Variants in TRIO observed in about 807,000 individuals in gnomAD.
TRIO encodes trio Rho guanine nucleotide exchange factor.
In TRIO, 58 loss-of-function variants were observed where a neutral mutation model predicts 351.9. That is an observed-to-expected ratio of 0.16 (90% CI 0.13 to 0.21). TRIO has a LOEUF of 0.21. TRIO is among the 10% of genes least tolerant of loss of function. The pLI is 1.00. For synonymous variants in TRIO, 1,758 were observed against 1,595.7 expected (o/e 1.10, Z -2.42); for missense variants, 3,201 against 4,027.8 (o/e 0.79, Z 5.56).
At chr5:14,250,385 G>A (rs2152246302) in intron 1 of TRIO, among the ~76,000 whole-genome samples, 1 of 152,318 alleles carries the variant, frequency 6.6e-6, no homozygotes, top group East Asian at 1.9e-4. Context: ...ACCTGGGTAG[G>A]CCTGTTAATG....
intron 1 of TRIO, among the ~76,000 whole-genome samples, chr5:14,244,103 C>T (rs961046662): frequency 2.6e-5 from 4 of 152,158 alleles, no homozygotes; most frequent in Admixed American, 6.5e-5. Flanking sequence ...CATCATGGAA[C>T]GTTTTGAGGT....
intron 1 of TRIO, among the ~76,000 whole-genome samples, chr5:14,205,645 G>A (rs1255721829): frequency 6.6e-6 from 1 of 152,128 alleles, no homozygotes; most frequent in Non-Finnish European, 1.5e-5. Flanking sequence ...CAAAATATAA[G>A]AATTATTAGT....
chr5:14,372,538 G>A (rs949815515), intron 18 of TRIO, among the ~76,000 whole-genome samples: 2 of 152,102 alleles, frequency 1.3e-5, no homozygotes, highest in African/African-American at 2.4e-5. Flanking sequence ...CTTTGGCCTC[G>A]ATTAGCTAGA....
At chr5:14,252,648 C>T (rs1314736676) in intron 1 of TRIO, among the ~76,000 whole-genome samples, 1 of 152,208 alleles carries the variant, frequency 6.6e-6, no homozygotes, top group Non-Finnish European at 1.5e-5. Context: ...TCAAACTGAC[C>T]TTTCTAGATC....
chr5:14,146,163 G>A (rs1238098148), intron 1 of TRIO, among the ~76,000 whole-genome samples: 2 of 147,810 alleles, frequency 1.4e-5, no homozygotes, highest in African/African-American at 4.9e-5. Flanking sequence ...GCAGAGAGGG[G>A]TCATTCTGTT....
At chr5:14,280,280 C>A in intron 2 of TRIO, 42 bp from the exon 3 acceptor site, 1 of 1,561,098 alleles carries the variant, frequency 6.4e-7, no homozygotes, top group Non-Finnish European at 8.8e-7. Context: ...GGATTTCTGT[C>A]TTATCTTGTG....
chr5:14,417,943 C>T (rs1328929193), intron 33 of TRIO, among the ~76,000 whole-genome samples: 2 of 152,220 alleles, frequency 1.3e-5, no homozygotes. Flanking sequence ...CCACCACTGG[C>T]ACTGGGGGAC....
chr5:14,214,017 T>C (rs559378652), intron 1 of TRIO, among the ~76,000 whole-genome samples: 5 of 152,348 alleles, frequency 3.3e-5, no homozygotes, highest in Admixed American at 1.3e-4. Flanking sequence ...TTAAAAATTA[T>C]CTTACCTGAC....
intron 6 of TRIO, among the ~76,000 whole-genome samples, chr5:14,294,908 A>G (rs1367084273): frequency 6.6e-6 from 1 of 152,196 alleles, no homozygotes; most frequent in South Asian, 2.1e-4. Context: ...TAAAAGTATG[A>G]GTTACAGCTA....
chr5:14,321,378 G>T lies in TRIO; in HGVS notation c.1731+4635G>T, dbSNP rs16903392. On this transcript the variant is annotated intron_variant, in intron 9 of 56. Transcript: ENST00000344204. ...CGTGGCCCCCACGATGAGGGTTTTG[G>T]GCCCCTGTTGAAGGAGCTCATGCTT... Among the ~76,000 whole-genome samples, 850 of 152,336 alleles carry T rather than the reference G, an allele frequency of 5.6e-3. 8 individuals carry two copies. The highest frequency in any genetic ancestry group is 0.018 in the African/African-American group (763 of 41,564).
At chr5:14,460,118 A>G (rs887694859) in intron 34 of TRIO, among the ~76,000 whole-genome samples, 1 of 151,968 alleles carries the variant, frequency 6.6e-6, no homozygotes, top group Non-Finnish European at 1.5e-5. Flanking sequence ...GGGTTTCACC[A>G]TGTTAGCCAG....
chr5:14,159,772 T>A (rs935007015), intron 1 of TRIO, among the ~76,000 whole-genome samples: 3 of 152,242 alleles, frequency 2.0e-5, no homozygotes, highest in Admixed American at 2.0e-4. Flanking sequence ...TTACCATGTT[T>A]GCCAGGATGG....
intron 33 of TRIO, among the ~76,000 whole-genome samples, chr5:14,417,814 A>G (rs1443879882): frequency 1.3e-5 from 2 of 152,242 alleles, no homozygotes; most frequent in Non-Finnish European, 2.9e-5. Flanking sequence ...TTTTTAGAGC[A>G]TATGTATCTT....
intron 1 of TRIO, among the ~76,000 whole-genome samples, chr5:14,257,367 A>T (rs575877704): frequency 6.6e-6 from 1 of 152,360 alleles, no homozygotes; most frequent in Admixed American, 6.5e-5. Flanking sequence ...ATGCAGAAAG[A>T]TAGACAGGTT....
intron 1 of TRIO, among the ~76,000 whole-genome samples, chr5:14,235,870 C>T (rs1008346709): frequency 6.6e-6 from 1 of 151,918 alleles, no homozygotes; most frequent in East Asian, 1.9e-4. Context: ...ACTGTGTTGA[C>T]CAGGCTGGTC....
chr5:14,254,496 T>C (rs576404086), intron 1 of TRIO, among the ~76,000 whole-genome samples: 3 of 152,266 alleles, frequency 2.0e-5, no homozygotes, highest in East Asian at 3.9e-4. Context: ...CCTTGTCTGG[T>C]TAGTGCATTC....
chr5:14,232,779 A>G (rs1225133917), intron 1 of TRIO, among the ~76,000 whole-genome samples: 2 of 152,248 alleles, frequency 1.3e-5, no homozygotes, highest in East Asian at 3.8e-4. Context: ...TACTTAATGT[A>G]CACGCATATT....
At chr5:14,481,743 T>C in intron 45 of TRIO, 125 bp downstream of exon 45, 2 of 777,082 alleles carry the variant, frequency 2.6e-6, no homozygotes. Flanking sequence ...TCTCTCACTT[T>C]ACCTCAATCT....
intron 48 of TRIO, 138 bp downstream of exon 48, chr5:14,488,398 G>A (rs1756206118): frequency 6.0e-6 from 8 of 1,338,990 alleles, no homozygotes; most frequent in Non-Finnish European, 7.9e-6. Flanking sequence ...CTGGGACCAG[G>A]CTAACCCTCC....
Sources: gnomAD v4.1 joint callset for allele counts (sites outside exome capture counted in the v4.1 genomes callset) on GRCh38, gnomAD v4.1.1 for gene constraint, MANE v1.5 for transcripts, NCBI Gene and HGNC (gene_info 2026-07-23, HGNC 2026-07-21) for gene names.